Variants in ASTN1 observed in about 807,000 individuals in gnomAD.
The protein encoded by ASTN1 is astrotactin-1.
ASTN1 carries 41 observed loss-of-function variants against 140.7 expected under a neutral mutation model. The observed-to-expected ratio is 0.29, with a 90% CI of 0.23 to 0.38. The LOEUF (loss-of-function observed/expected upper bound fraction) is 0.38. Ranked by LOEUF, ASTN1 falls within the 10% of genes least tolerant of loss-of-function variation. The pLI, the probability that ASTN1 is intolerant of heterozygous loss-of-function variation, is 1.00. For missense variants in ASTN1, 1,479 were observed against 1,678.8 expected, an observed-to-expected ratio of 0.88 and a Z score of 2.08; for synonymous variants, 640 against 652.2, an observed-to-expected ratio of 0.98 and a Z score of 0.29.
intron 8 of ASTN1, among the ~76,000 whole-genome samples, chr1:176,997,867 G>A (rs984314578): frequency 1.3e-5 from 2 of 152,116 alleles, no homozygotes; most frequent in Non-Finnish European, 2.9e-5. Flanking sequence ...TTTGGGCTGG[G>A]TCTTGGAGAA....
At chr1:176,870,746 A>T in intron 21 of ASTN1, among the ~76,000 whole-genome samples, 1 of 152,214 alleles carries the variant, frequency 6.6e-6, no homozygotes, top group South Asian at 2.1e-4. Flanking sequence ...TTAGATTTTC[A>T]GGTTGTTAAA....
intron 1 of ASTN1, among the ~76,000 whole-genome samples, chr1:177,144,268 T>A (rs914431561): frequency 2.0e-5 from 3 of 151,530 alleles, no homozygotes; most frequent in Non-Finnish European, 4.4e-5. Flanking sequence ...TTTTTTTTTT[T>A]CTGAGACGAA....
At chr1:176,996,311 AG>A (rs1300071711) in intron 8 of ASTN1, among the ~76,000 whole-genome samples, 4 of 84,408 alleles carry the variant, frequency 4.7e-5, no homozygotes, top group Non-Finnish European at 1.1e-4. Flanking sequence ...ACACACACAC[AG>A]AGAGAGAGAG....
At chr1:176,925,648 T>C (rs779570531) in intron 16 of ASTN1, among the ~76,000 whole-genome samples, 1 of 152,154 alleles carries the variant, frequency 6.6e-6, no homozygotes, top group Non-Finnish European at 1.5e-5. Context: ...AGGGTTGATT[T>C]CTGGTCCGTG....
rs78542773 is a variant in ASTN1, at chr1:177,043,452, C to A, written c.472-10603G>T. Reference sequence around the variant, plus strand: ...TGCATTAGAACCCAAAAGATGACAACGGCCATTCCCAGTGCAAGTCATTTA... The same window carrying A: ...TGCATTAGAACCCAAAAGATGACAAAGGCCATTCCCAGTGCAAGTCATTTA... On this transcript the variant is annotated intron_variant, in intron 2 of 22. Transcript: ENST00000361833. Among the ~76,000 whole-genome samples the A allele has an allele frequency of 3.1e-3, 468 of 152,286 alleles. 2 individuals are homozygous for A. Among genetic ancestry groups the A allele is most frequent in the African/African-American group, 0.011 (447 of 41,550 alleles).
chr1:176,939,086 T>G (rs1671574271), intron 14 of ASTN1, among the ~76,000 whole-genome samples: 1 of 151,084 alleles, frequency 6.6e-6, no homozygotes, highest in African/African-American at 2.4e-5. Context: ...CACTCCAGCA[T>G]GGGTGACAGA....
Position 177,032,492 on chromosome 1 carries a change from C to T in ASTN1, c.829G>A (p.Gly277Ser), listed in dbSNP as rs1178730095. 1 of 1,614,130 alleles carries T rather than the reference C, an allele frequency of 6.2e-7. No homozygotes were observed. The highest frequency in any genetic ancestry group is 1.7e-5 in the Admixed American group (1 of 60,016). ...QVTRTLDSLQ[G>S]CNEKSGMDLT... ...TCCATCCCCGACTTTTCATTGCAGC[C>T]CTGCAGGGAGTCGAGGGTGCGCGTG... Residue 277 changes from glycine to serine, a missense_variant, in exon 3 of 23, where the codon GGC becomes AGC. Physicochemically the swap from Gly to Ser is moderately conservative, Grantham distance 56 (BLOSUM62 0). Around this residue, in one of 3 missense-constraint regions of ASTN1, gnomAD observed 729 missense variants for 860.4 expected, o/e 0.85. Transcript: ENST00000361833.
intron 1 of ASTN1, among the ~76,000 whole-genome samples, chr1:177,062,807 G>A (rs1438063036): frequency 6.6e-6 from 1 of 152,120 alleles, no homozygotes; most frequent in South Asian, 2.1e-4. Flanking sequence ...GGCATGAATT[G>A]GCCATGTATT....
At chr1:176,939,891 G>A (rs1421414007) in intron 14 of ASTN1, among the ~76,000 whole-genome samples, 2 of 151,736 alleles carry the variant, frequency 1.3e-5, no homozygotes, top group East Asian at 3.9e-4. Context: ...CGGAGGAAGG[G>A]AAGGAAGGAA....
At position 176,989,928 on chromosome 1, in the gene ASTN1, C is replaced by T. The variant is rs145174598; in HGVS notation, c.1524-24691G>A. Among the ~76,000 whole-genome samples the T allele has an allele frequency of 1.6e-3, 245 of 152,002 alleles. 1 individual carries two copies. Among genetic ancestry groups the T allele is most frequent in the African/African-American group, 5.3e-3 (220 of 41,458 alleles). ...TTCTTATAAGACTACTACTCTTGTC[C>T]GCCCTCCCCCTGCCCCCATCTTGAG... On this transcript the variant is annotated intron_variant, in intron 8 of 22. Transcript: ENST00000361833.
intron 1 of ASTN1, among the ~76,000 whole-genome samples, chr1:177,099,305 T>C (rs1370264425): frequency 6.6e-6 from 1 of 152,100 alleles, no homozygotes. Context: ...CATCAATACA[T>C]AATCTTTTTT....
intron 2 of ASTN1, among the ~76,000 whole-genome samples, chr1:177,052,557 C>T (rs1284763936): frequency 6.6e-6 from 1 of 152,218 alleles, no homozygotes; most frequent in Non-Finnish European, 1.5e-5. Context: ...AAAGCCCTTG[C>T]TGTAAACTGC....
chr1:176,999,810 G>A (rs1422145279), intron 8 of ASTN1, among the ~76,000 whole-genome samples: 2 of 152,102 alleles, frequency 1.3e-5, no homozygotes, highest in Non-Finnish European at 2.9e-5. Context: ...GGTTTTATGT[G>A]TCTGGCATTT....
Position 176,913,068 on chromosome 1 carries a change from T to A in ASTN1, c.2672-18238A>T, listed in dbSNP as rs147787694. On this transcript the variant is annotated intron_variant, in intron 16 of 22. Coordinates refer to ENST00000361833, the MANE Select transcript of ASTN1 (RefSeq NM_004319.3). ...GATCTTGCTCTCCCCTGCTGGAAGA[T>A]CAAATTCTATCAAAGTTGCCCATTT... 5.4e-3 allele frequency among the ~76,000 whole-genome samples: 815 copies of A among 152,314 alleles called. 5 individuals are homozygous for A. The highest frequency in any genetic ancestry group is 0.01 in the Middle Eastern group (3 of 294).
At chr1:176,950,204 G>A (rs997925203) in intron 11 of ASTN1, among the ~76,000 whole-genome samples, 6 of 152,160 alleles carry the variant, frequency 3.9e-5, no homozygotes, top group African/African-American at 1.4e-4. Context: ...GTGGTCTAAG[G>A]TGCTCACTAA....
chr1:176,873,392 C>T (rs2103016785), intron 21 of ASTN1, among the ~76,000 whole-genome samples: 1 of 152,288 alleles, frequency 6.6e-6, no homozygotes. Context: ...AAACTTATTT[C>T]CACAGTGGCT....
chr1:177,003,036 C>A (rs1283099950), intron 8 of ASTN1, among the ~76,000 whole-genome samples: 1 of 151,918 alleles, frequency 6.6e-6, no homozygotes, highest in East Asian at 1.9e-4. Flanking sequence ...CACACATATT[C>A]ACAGCCAAAT....
At chr1:176,871,000 G>A (rs146106982) in intron 21 of ASTN1, among the ~76,000 whole-genome samples, 1 of 152,192 alleles carries the variant, frequency 6.6e-6, no homozygotes, top group African/African-American at 2.4e-5. Context: ...GGGTGAGATG[G>A]AGTCAAAACT....
chr1:176,882,172 A>G (rs149692394), intron 20 of ASTN1, among the ~76,000 whole-genome samples: 14 of 152,384 alleles, frequency 9.2e-5, no homozygotes, highest in African/African-American at 3.1e-4. Context: ...TGGCCATGAT[A>G]TAGTTCGCTG....
Sources: allele counts gnomAD v4.1 joint callset (sites outside exome capture counted in the v4.1 genomes callset), GRCh38; gene constraint gnomAD v4.1.1; regional missense constraint gnomAD v4.1.1; transcripts MANE v1.5; gene names NCBI Gene and HGNC (gene_info 2026-07-23, HGNC 2026-07-21).